Variants in MAP1LC3B2 observed in about 807,000 individuals in gnomAD.
MAP1LC3B2 encodes the protein microtubule associated protein 1 light chain 3 beta 2.
For missense variants in MAP1LC3B2, 155 were observed against 154.6 expected (o/e 1.00, Z -0.01); for synonymous variants, 62 against 57.8 (o/e 1.07, Z -0.33).
rs113585095 is a variant in MAP1LC3B2 at position 116,576,294 on chromosome 12, A to G, written c.352A>G (p.Thr118Ala). ...FLYMVCASQETFGMKLSV is the reference protein window; with the variant it reads ...FLYMVCASQEAFGMKLSV Reference sequence around the variant, plus strand: ...GTACATGGTCTGTGCCTCCCAGGAGACGTTCGGGATGAAATTGTCAGTGTA... The same window carrying G: ...GTACATGGTCTGTGCCTCCCAGGAGGCGTTCGGGATGAAATTGTCAGTGTA... Residue 118 changes from threonine (T) to alanine (A), a missense_variant, in exon 2 of 2, where the codon ACG (threonine) becomes GCG (alanine). Physicochemically the swap from Thr to Ala is moderately conservative, Grantham distance 58. Transcript: ENST00000556529. 7,444 of 1,613,982 alleles carry G rather than the reference A, an allele frequency of 4.6e-3. 303 individuals carry two copies. In the African/African-American group the frequency reaches 0.087, roughly 19 times the overall value.
At chr12:116,572,085 T>A (rs1869552299) in intron 1 of MAP1LC3B2, among the ~76,000 whole-genome samples, 1 of 150,270 alleles carries the variant, frequency 6.7e-6, no homozygotes. Flanking sequence ...TAAAAAAGAG[T>A]CCTCTCTATA....
chr12:116,560,621 C>T (rs192862865), intron 1 of MAP1LC3B2, among the ~76,000 whole-genome samples: 13 of 152,208 alleles, frequency 8.5e-5, no homozygotes, highest in African/African-American at 3.1e-4. Context: ...GATATGTCCA[C>T]AGTCTAATGT....
intron 1 of MAP1LC3B2, among the ~76,000 whole-genome samples, chr12:116,571,570 TC>T (rs895067803): frequency 1.5e-5 from 2 of 135,426 alleles, no homozygotes; most frequent in Non-Finnish European, 3.1e-5. Context: ...AAGCTCCGCC[TC>T]CCGGGTTCAT....
chr12:116,572,517 A>G (rs1288175553), intron 1 of MAP1LC3B2, among the ~76,000 whole-genome samples: 3 of 151,950 alleles, frequency 2.0e-5, no homozygotes, highest in Admixed American at 1.3e-4. Flanking sequence ...GGCTTCCGCC[A>G]CTACACCCGG....
rs748431665 is a variant in MAP1LC3B2, at chr12:116,576,354, T to G, written c.*34T>G. 6.3e-7 allele frequency: 1 copy of G among 1,584,102 alleles called. No homozygotes were observed. The highest frequency in any genetic ancestry group is 8.5e-7 in the Non-Finnish European group (1 of 1,170,762). Reference sequence around the variant, plus strand: ...AAAATGCATCTCTTCTAGAATTTTTTAAACCCTTACCAAGGAAAAAAAAAG... The same window carrying G: ...AAAATGCATCTCTTCTAGAATTTTTGAAACCCTTACCAAGGAAAAAAAAAG... On this transcript the variant is annotated 3_prime_UTR_variant, in exon 2 of 2. Coordinates refer to ENST00000556529, the MANE Select transcript of MAP1LC3B2 (RefSeq NM_001085481.3).
intron 1 of MAP1LC3B2, among the ~76,000 whole-genome samples, chr12:116,565,307 C>G (rs1417060970): frequency 6.6e-6 from 1 of 152,122 alleles, no homozygotes; most frequent in African/African-American, 2.4e-5. Context: ...GATGTGGAGG[C>G]CTCACAATCA....
intron 1 of MAP1LC3B2, among the ~76,000 whole-genome samples, chr12:116,567,047 A>G (rs1344627362): frequency 6.6e-6 from 1 of 151,152 alleles, no homozygotes; most frequent in Non-Finnish European, 1.5e-5. Flanking sequence ...AGAAACGGAA[A>G]GGAAGAGAAG....
intron 1 of MAP1LC3B2, among the ~76,000 whole-genome samples, chr12:116,572,983 G>A (rs1413098015): frequency 6.6e-6 from 1 of 152,132 alleles, no homozygotes; most frequent in Non-Finnish European, 1.5e-5. Flanking sequence ...CAGGGCCAGT[G>A]GCACGATCTT....
In MAP1LC3B2 at chr12:116,576,235, T is replaced by C. The variant is rs746393688; in HGVS notation, c.293T>C (p.Val98Ala). 1.6e-5 allele frequency: 26 copies of C among 1,613,770 alleles called. 1 individual carries two copies. In the Admixed American group the frequency reaches 4.3e-4, roughly 27 times the overall value. Residue 98 changes from valine (V) to alanine (A), a missense_variant, in exon 2 of 2, where the codon GTG (valine) becomes GCG (alanine). By Grantham distance (64) the Val-to-Ala change is moderately conservative. Transcript: ENST00000556529. ...MVSVSTPISE[V>A]YESEKDEDGF... ...AGCGTCTCCACACCAATCTCAGAGG[T>C]GTATGAGAGTGAGAAAGATGAAGAT...
intron 1 of MAP1LC3B2, among the ~76,000 whole-genome samples, chr12:116,562,543 G>A (rs1869297795): frequency 6.6e-6 from 1 of 152,242 alleles, no homozygotes; most frequent in Non-Finnish European, 1.5e-5. Flanking sequence ...GTAGAACGAT[G>A]ATGTGCTTGG....
chr12:116,576,127 A>C lies in MAP1LC3B2; in HGVS notation c.185A>C (p.Glu62Ala). 6.2e-7 allele frequency: 1 copy of C among 1,614,214 alleles called. No individual in the cohort carries two copies. The highest frequency in any genetic ancestry group is 1.1e-5 in the South Asian group (1 of 91,086). ...GTACCTGACCATGTCAACATGAGTG[A>C]GCTCATCAAGATAATTAGAAGGCGC... ...FLVPDHVNMS[E>A]LIKIIRRRLQ... Residue 62 changes from glutamate to alanine, a missense_variant, in exon 2 of 2, where the codon GAG becomes GCG. Physicochemically the swap from Glu to Ala is moderately radical, Grantham distance 107. Coordinates refer to ENST00000556529, the MANE Select transcript of MAP1LC3B2 (RefSeq NM_001085481.3).
Position 116,575,855 on chromosome 12 carries a change from C to A in MAP1LC3B2, c.-88C>A. 1 of 1,521,330 alleles carries A rather than the reference C, an allele frequency of 6.6e-7. No homozygotes were observed. Among genetic ancestry groups the A allele is most frequent in the South Asian group, 1.1e-5 (1 of 88,710 alleles). 94.2% of individuals were successfully genotyped at this position (1,521,330 alleles called of 1,614,324 possible). A position where few individuals can be genotyped will look rare whatever the true frequency, so the allele number is the denominator to read the frequency against. On this transcript the variant is annotated 5_prime_UTR_variant, in exon 2 of 2. Transcript: ENST00000556529. ...GTGCAAAAATAGCCTTACACGGCCA[C>A]AGTCGGATTCGCTGCCGCAGCAGCC...
At position 116,576,150 on chromosome 12, in the gene MAP1LC3B2, C is replaced by A; in HGVS notation, c.208C>A (p.Arg70Ser). The A allele has an allele frequency of 6.2e-7, 1 of 1,614,100 alleles. No individual in the cohort carries two copies. The highest frequency in any genetic ancestry group is 8.5e-7 in the Non-Finnish European group (1 of 1,180,022). ...MSELIKIIRRRLQLNANQAFF... is the reference protein window; with the variant it reads ...MSELIKIIRRSLQLNANQAFF... ...TGAGCTCATCAAGATAATTAGAAGG[C>A]GCTTACAGCTCAATGCTAATCAGGC... Residue 70 changes from arginine to serine, a missense_variant, in exon 2 of 2, where the codon CGC becomes AGC. By Grantham distance (110) the Arg-to-Ser change is moderately radical (BLOSUM62 -1). Coordinates refer to ENST00000556529, the MANE Select transcript of MAP1LC3B2 (RefSeq NM_001085481.3).
At chr12:116,567,683 G>A (rs1285968841) in intron 1 of MAP1LC3B2, among the ~76,000 whole-genome samples, 1 of 151,966 alleles carries the variant, frequency 6.6e-6, no homozygotes, top group Non-Finnish European at 1.5e-5. Context: ...CAGAGGTGGA[G>A]TTTGCAGTGA....
intron 1 of MAP1LC3B2, among the ~76,000 whole-genome samples, chr12:116,573,402 G>A (rs535809419): frequency 1.3e-4 from 20 of 152,134 alleles, no homozygotes; most frequent in Non-Finnish European, 2.5e-4. Context: ...CCTGGGGGCA[G>A]AAATTTAATT....
rs1219628585 is a variant in MAP1LC3B2 at position 116,576,170 on chromosome 12, T to C, written c.228T>C (p.Asn76=). 6.2e-7 allele frequency: 1 copy of C among 1,614,140 alleles called. No individual in the cohort carries two copies. Residue 76 remains asparagine, a synonymous_variant, in exon 2 of 2, where the codon AAT becomes AAC. Transcript: ENST00000556529. ...GAAGGCGCTTACAGCTCAATGCTAA[T>C]CAGGCCTTCTTCCTGTTGGTGAACG... is the stretch of plus-strand genomic sequence containing the variant. ...IIRRRLQLNA[N]QAFFLLVNGH...
In MAP1LC3B2 at chr12:116,575,699, A is replaced by G. The variant is rs898454616; in HGVS notation, c.-101-143A>G. 1.2e-5 allele frequency: 7 copies of G among 582,186 alleles called. No homozygotes were observed. In the African/African-American group the frequency reaches 1.3e-4, roughly 11 times the overall value. The allele number at this position is 582,186 out of a possible 1,614,324, so 36.1% of individuals were successfully genotyped here. Reference sequence around the variant, plus strand: ...AATACATGCCAAAGGCTTGAATAAGACCCCAAAATAATGTACTATAGAACA... The same window carrying G: ...AATACATGCCAAAGGCTTGAATAAGGCCCCAAAATAATGTACTATAGAACA... On this transcript the variant is annotated intron_variant, in intron 1 of 1. Coordinates refer to ENST00000556529, the MANE Select transcript of MAP1LC3B2 (RefSeq NM_001085481.3).
chr12:116,574,451 G>A (rs182377427), intron 1 of MAP1LC3B2, among the ~76,000 whole-genome samples: 6 of 151,900 alleles, frequency 3.9e-5, no homozygotes, highest in Non-Finnish European at 7.4e-5. Flanking sequence ...GAACAACCTG[G>A]GCAATATGGC....
intron 1 of MAP1LC3B2, among the ~76,000 whole-genome samples, chr12:116,573,560 A>T (rs1869597089): frequency 6.6e-6 from 1 of 151,954 alleles, no homozygotes; most frequent in South Asian, 2.1e-4. Flanking sequence ...CTCTGTCGCC[A>T]GGCTAGAGTG....
Sources: allele counts gnomAD v4.1 joint callset (sites outside exome capture counted in the v4.1 genomes callset), GRCh38; gene constraint gnomAD v4.1.1; transcripts MANE v1.5; gene names NCBI Gene and HGNC (gene_info 2026-07-23, HGNC 2026-07-21).